The following SREBF2 variants were observed in gnomAD, a reference collection of about 807,000 sequenced individuals.
SREBF2 encodes sterol regulatory element-binding protein 2.
In SREBF2, 55 loss-of-function variants were observed where a neutral mutation model predicts 113.1. The ratio of observed to expected loss-of-function variants is 0.49; its 90% confidence interval spans 0.39 to 0.61. The LOEUF (loss-of-function observed/expected upper bound fraction) is 0.61. Ranked by LOEUF, SREBF2 falls within the 20% of genes least tolerant of loss-of-function variation. The pLI is 0.00. For missense variants in SREBF2, 1,349 were observed against 1,487.4 expected, an observed-to-expected ratio of 0.91 and a Z score of 1.53; for synonymous variants, 593 against 605.7, an observed-to-expected ratio of 0.98 and a Z score of 0.31.
chr22:41,866,845 G>C lies in SREBF2; in HGVS notation c.103G>C (p.Val35Leu). The change falls in exon 2 of 19, where the codon GTC becomes CTC. Residue 35 changes from valine to leucine, a missense_variant. This residue lies in a region of SREBF2 where 699 missense variants were observed against 843.3 expected (regional missense o/e 0.83). Coordinates refer to ENST00000361204, the MANE Select transcript of SREBF2 (RefSeq NM_004599.4). Reference protein sequence around the residue: ...LGDIDEMLQFVSNQVGEFPDL... With the variant: ...LGDIDEMLQFLSNQVGEFPDL... ...TTTGTTCACAGAGATGCTGCAATTT[G>C]TCAGTAATCAAGTGGGAGAGTTCCC... is the stretch of plus-strand genomic sequence containing the variant. The C allele has an allele frequency of 6.2e-7, 1 of 1,614,238 alleles. No individual in the cohort carries two copies. The highest frequency in any genetic ancestry group is 8.5e-7 in the Non-Finnish European group (1 of 1,180,046).
Position 41,873,779 on chromosome 22 carries a change from GT to G in SREBF2, c.868-18del. 1 of 1,584,538 alleles carries G rather than the reference GT, an allele frequency of 6.3e-7. No individual in the cohort carries two copies. The highest frequency in any genetic ancestry group is 2.3e-5 in the East Asian group (1 of 44,226). On this transcript the variant is annotated intron_variant, in intron 4 of 18. Coordinates refer to ENST00000361204, the MANE Select transcript of SREBF2 (RefSeq NM_004599.4). Reference sequence around the variant, plus strand: ...ACTAACAAAGGGATCATTCTGCTGTGTACCTGTCCCTATTCTAGACCCTGGT... The same window carrying G: ...ACTAACAAAGGGATCATTCTGCTGTGACCTGTCCCTATTCTAGACCCTGGT...
rs1215434037 is a variant in SREBF2 at position 41,873,905 on chromosome 22, C to T, written c.975C>T (p.Pro325=). 1.2e-6 allele frequency: 2 copies of T among 1,614,056 alleles called. No individual in the cohort carries two copies. The highest frequency in any genetic ancestry group is 1.3e-5 in the African/African-American group (1 of 74,994). The change falls in exon 5 of 19, where the codon CCC becomes CCT. Residue 325 remains proline, a synonymous_variant. Transcript: ENST00000361204. ...CTGGGGGAGTCAAGCAGCTTGAGCC[C>T]CCCAAAGAAGGAGAAAGGCGGACAA... ...QVPGGVKQLE[P]PKEGERRTTH... is the part of the protein sequence containing the mutation.
chr22:41,852,167 G>A (rs992186603), intron 1 of SREBF2, among the ~76,000 whole-genome samples: 3 of 150,776 alleles, frequency 2.0e-5, no homozygotes, highest in Admixed American at 6.6e-5. Context: ...CCTGGCCTGG[G>A]AGTGAAGGAG....
chr22:41,866,506 C>T (rs989834202), intron 1 of SREBF2, among the ~76,000 whole-genome samples: 5 of 152,134 alleles, frequency 3.3e-5, no homozygotes, highest in Non-Finnish European at 5.9e-5. Context: ...GACAAGTTCG[C>T]GCCACTGCAC....
In SREBF2 at chr22:41,833,249, G is replaced by A. The variant is rs1256665685; in HGVS notation, c.-22G>A. The A allele has an allele frequency of 1.3e-6, 2 of 1,514,604 alleles. No individual in the cohort carries two copies. Among genetic ancestry groups the A allele is most frequent in the Non-Finnish European group, 1.8e-6 (2 of 1,131,676 alleles). The allele number at this position is 1,514,604 out of a possible 1,614,324, so 93.8% of individuals were successfully genotyped here. A position where few individuals can be genotyped will look rare whatever the true frequency, so the allele number is the denominator to read the frequency against. ...TCTCCCTGAGCGGGACGGCAGGGGG[G>A]GCTTCTGCGCTGAGCCGGGCGATGG... On this transcript the variant is annotated 5_prime_UTR_variant, in exon 1 of 19. Transcript: ENST00000361204. The surrounding 1 kb of genome is among the most constrained non-coding windows in gnomAD (Gnocchi z 4.1).
At chr22:41,888,500 A>G (rs1390626034) in intron 11 of SREBF2, among the ~76,000 whole-genome samples, 1 of 152,138 alleles carries the variant, frequency 6.6e-6, no homozygotes, top group East Asian at 1.9e-4. Flanking sequence ...ATCACCACCC[A>G]ACCCTAACGG....
intron 11 of SREBF2, chr22:41,891,430 G>A (rs1463427424): frequency 2.0e-5 from 3 of 152,158 alleles, no homozygotes; most frequent in Non-Finnish European, 4.4e-5. Flanking sequence ...CATCTCATAA[G>A]CTGCTTTGAG....
rs2076737615 is a variant in SREBF2, at chr22:41,833,596, G to A, written c.88+238G>A. 2.4e-6 allele frequency: 1 copy of A among 415,900 alleles called. No individual in the cohort carries two copies. The highest frequency in any genetic ancestry group is 4.6e-5 in the Admixed American group (1 of 21,642). The allele number at this position is 415,900 out of a possible 1,614,324, so 25.8% of individuals were successfully genotyped here. On this transcript the variant is annotated intron_variant, in intron 1 of 18. Transcript: ENST00000361204. The surrounding 1 kb of genome is among the most constrained non-coding windows in gnomAD (Gnocchi z 4.1). ...GGCGCCGCGGGGCCGAAAGCGGCGC[G>A]AGGGTCGCGGGTTCCAGAGCGCGGG... is the stretch of plus-strand genomic sequence containing the variant.
chr22:41,898,881 G>C, intron 15 of SREBF2, 100 bp downstream of exon 15: 1 of 1,515,578 alleles, frequency 6.6e-7, no homozygotes, highest in East Asian at 2.4e-5. Flanking sequence ...TGGGGTGAAG[G>C]GTCAGGACTG....
chr22:41,847,467 G>C (rs1457740256), intron 1 of SREBF2, among the ~76,000 whole-genome samples: 1 of 152,222 alleles, frequency 6.6e-6, no homozygotes, highest in East Asian at 1.9e-4. Context: ...AAAGACCTGG[G>C]ATGACACATC....
Position 41,833,628 on chromosome 22 carries a change from G to A in SREBF2, c.88+270G>A, listed in dbSNP as rs1474656201. 6.4e-5 allele frequency: 24 copies of A among 375,440 alleles called. No homozygotes were observed. The highest frequency in any genetic ancestry group is 1.1e-4 in the Non-Finnish European group (24 of 211,800). 23.3% of individuals were successfully genotyped at this position (375,440 alleles called of 1,614,324 possible). A position where few individuals can be genotyped will look rare whatever the true frequency, so the allele number is the denominator to read the frequency against. ...GCGGGTTCCAGAGCGCGGGGCTAGG[G>A]ACGTCGCGGGGGCGTCTCAGGGAGC... On this transcript the variant is annotated intron_variant, in intron 1 of 18. Transcript: ENST00000361204. The surrounding 1 kb of genome is among the most constrained non-coding windows in gnomAD (Gnocchi z 4.1).
At chr22:41,867,536 G>C (rs1257613421) in intron 2 of SREBF2, among the ~76,000 whole-genome samples, 4 of 152,102 alleles carry the variant, frequency 2.6e-5, no homozygotes, top group Admixed American at 2.6e-4. Context: ...GCCGGGCGCG[G>C]TGGCTCACGC....
intron 13 of SREBF2, 141 bp downstream of exon 13, chr22:41,895,078 A>T: frequency 1.4e-6 from 1 of 704,450 alleles, no homozygotes; most frequent in South Asian, 1.5e-5. Flanking sequence ...TTTGTATTTA[A>T]TTTCTCAAAA....
intron 15 of SREBF2, chr22:41,899,872 C>T (rs1779204467): frequency 1.0e-6 from 1 of 999,054 alleles, no homozygotes; most frequent in Non-Finnish European, 1.2e-6. Flanking sequence ...CTATGAGAAC[C>T]CTCCCCCATC....
In SREBF2 at chr22:41,841,292, AAGGTATG is replaced by A. The variant is rs1384019725; in HGVS notation, c.88+7935_88+7941del. 3.9e-5 allele frequency among the ~76,000 whole-genome samples: 6 copies of A among 152,352 alleles called. No individual in the cohort carries two copies. In the East Asian group the frequency reaches 1.2e-3, roughly 29 times the overall value. On this transcript the variant is annotated intron_variant, in intron 1 of 18. Coordinates refer to ENST00000361204, the MANE Select transcript of SREBF2 (RefSeq NM_004599.4). ...CCCTTTTGTACCTTTTTAAAGACAT[AAGGTATG>A]TTTTGACACTGGAGTATATATGAGG...
At chr22:41,854,048 AAAG>A (rs1314038257) in intron 1 of SREBF2, among the ~76,000 whole-genome samples, 4 of 151,778 alleles carry the variant, frequency 2.6e-5, no homozygotes, top group Non-Finnish European at 5.9e-5. Flanking sequence ...AAAAAAAAAA[AAAG>A]AAGAAAGCAT....
intron 13 of SREBF2, among the ~76,000 whole-genome samples, chr22:41,895,453 G>A (rs191270699): frequency 5.8e-5 from 2 of 34,424 alleles, no homozygotes; most frequent in Admixed American, 7.6e-4. Context: ...TTTTTTTTTT[G>A]AGATGGAGTT....
chr22:41,884,125 G>C lies in SREBF2; in HGVS notation c.2039-717G>C, dbSNP rs533953210. On this transcript the variant is annotated intron_variant, in intron 10 of 18. Transcript: ENST00000361204. ...AAACGGGTATGTGTTTGTGTATTGT[G>C]AAGGCGGGTTTTTTTTTGGCTTTTT... Among the ~76,000 whole-genome samples the C allele has an allele frequency of 2.0e-5, 3 of 151,796 alleles. No individual in the cohort carries two copies. The South Asian group carries it at 6.3e-4, about 32-fold the overall frequency.
chr22:41,837,071 G>A (rs918422165), intron 1 of SREBF2, among the ~76,000 whole-genome samples: 2 of 152,154 alleles, frequency 1.3e-5, no homozygotes, highest in African/African-American at 4.8e-5. Flanking sequence ...CATTCTTGAT[G>A]GAGGAAATAC....
Sources: gnomAD v4.1 joint callset for allele counts (sites outside exome capture counted in the v4.1 genomes callset) on GRCh38, gnomAD v4.1.1 for gene constraint, gnomAD v4.1.1 regional missense constraint, Gnocchi (gnomAD v3.1) non-coding constraint, MANE v1.5 for transcripts, NCBI Gene and HGNC (gene_info 2026-07-23, HGNC 2026-07-21) for gene names.